Variants in BIN1 observed in about 807,000 individuals in gnomAD.
The protein encoded by BIN1 is bridging integrator 1.
BIN1 carries 53 observed loss-of-function variants against 82.0 expected under a neutral mutation model. That is an observed-to-expected ratio of 0.65 (90% CI 0.52 to 0.81). BIN1 has a LOEUF of 0.81. Ranked by LOEUF, BIN1 falls within the 40% of genes least tolerant of loss-of-function variation. BIN1 has a pLI of 0.00. For missense variants in BIN1, 642 were observed against 784.4 expected (o/e 0.82, Z 2.17); for synonymous variants, 302 against 328.0 (o/e 0.92, Z 0.86).
In BIN1 at chr2:127,048,535, CCT is replaced by C; in HGVS notation, c.1771_1772del (p.Arg591GlyfsTer14). 6.2e-7 allele frequency: 1 copy of C among 1,613,962 alleles called. No individual in the cohort carries two copies. Among genetic ancestry groups the C allele is most frequent in the Non-Finnish European group, 8.5e-7 (1 of 1,180,004 alleles). ...TGCCTGGGCCCCGCCGTCATGGGACCCTCTCAGTGAAGTTCTCGGGGAAGACG... is the reference window on the plus strand; with the variant it reads ...TGCCTGGGCCCCGCCGTCATGGGACCCTCAGTGAAGTTCTCGGGGAAGACG... ...RGVFPENFTE[R>X]VP is the part of the protein sequence containing the mutation. On this transcript the variant is annotated frameshift_variant, in exon 19 of 19. Coordinates refer to ENST00000316724, the MANE Select transcript of BIN1 (RefSeq NM_139343.3). LOFTEE classifies it high-confidence loss of function.
intron 15 of BIN1, among the ~76,000 whole-genome samples, chr2:127,051,958 G>C (rs1286228566): frequency 2.0e-5 from 3 of 152,248 alleles, no homozygotes; most frequent in African/African-American, 7.2e-5. Flanking sequence ...GATTAAATGA[G>C]AAGATTCTGG....
At chr2:127,069,852 C>G in intron 5 of BIN1, 143 bp downstream of exon 5, 1 of 797,324 alleles carries the variant, frequency 1.3e-6, no homozygotes, top group Non-Finnish European at 2.0e-6. Flanking sequence ...GAGGGAGCAA[C>G]CCCGGAGGGG....
In BIN1 at chr2:127,070,792, C is replaced by A; in HGVS notation, c.190G>T (p.Asp64Tyr). 6.2e-7 allele frequency: 1 copy of A among 1,612,930 alleles called. No individual in the cohort carries two copies. The highest frequency in any genetic ancestry group is 8.5e-7 in the Non-Finnish European group (1 of 1,179,982). ...ACGGAGGCCAGGTAGGTCCGGAGAT[C>A]CTTCTGCAGCCGGGTGCCCTCCGTC... ...QLTEGTRLQK[D>Y]LRTYLASVKA... Residue 64 changes from aspartate (D) to tyrosine (Y), a missense_variant, in exon 3 of 19, where the codon GAT (aspartate) becomes TAT (tyrosine). Transcript: ENST00000316724.
rs79410526 is a variant in BIN1, at chr2:127,053,855, T to G, written c.1239+50A>C. ...CCAATAGGCAACATGAGCCCAGGGT[T>G]GGGCACCTGGAAGCTGGTGGGCCCA... On this transcript the variant is annotated intron_variant, in intron 13 of 18. Transcript: ENST00000316724. The G allele has an allele frequency of 5.0e-3, 7,680 of 1,525,026 alleles. 313 individuals are homozygous for G. In the African/African-American group the frequency reaches 0.094, roughly 19 times the overall value. 94.5% of individuals were successfully genotyped at this position (1,525,026 alleles called of 1,614,324 possible). A position where few individuals can be genotyped will look rare whatever the true frequency, so the allele number is the denominator to read the frequency against.
chr2:127,102,282 C>T (rs1390630504), intron 1 of BIN1, among the ~76,000 whole-genome samples: 3 of 152,116 alleles, frequency 2.0e-5, no homozygotes, highest in Non-Finnish European at 4.4e-5. Context: ...CTGGGCTGGA[C>T]GCTGAGTCCA....
chr2:127,060,311 C>A (rs1373287303), intron 10 of BIN1, among the ~76,000 whole-genome samples: 1 of 152,250 alleles, frequency 6.6e-6, no homozygotes, highest in Non-Finnish European at 1.5e-5. Flanking sequence ...TTCCCAGCCA[C>A]GTCCTCCATT....
At chr2:127,074,572 G>A (rs1686350985) in intron 2 of BIN1, among the ~76,000 whole-genome samples, 1 of 152,256 alleles carries the variant, frequency 6.6e-6, no homozygotes, top group African/African-American at 2.4e-5. Flanking sequence ...CAGAGTCAGA[G>A]ACCCAGAGAG....
intron 12 of BIN1, chr2:127,054,306 C>A (rs1354801947): frequency 4.5e-6 from 2 of 448,044 alleles, no homozygotes. Context: ...TAGGTCCGCC[C>A]GTGGCCGCCA....
Position 127,050,431 on chromosome 2 carries a change from G to A in BIN1, c.1664C>T (p.Pro555Leu). 1 of 1,614,154 alleles carries A rather than the reference G, an allele frequency of 6.2e-7. No homozygotes were observed. Among genetic ancestry groups the A allele is most frequent in the South Asian group, 1.1e-5 (1 of 91,080 alleles). The change falls in exon 18 of 19, where the codon CCT (proline) becomes CTT (leucine). Residue 555 changes from proline (P) to leucine (L), a missense_variant. By Grantham distance (98) the Pro-to-Leu change is moderately conservative. Coordinates refer to ENST00000316724, the MANE Select transcript of BIN1 (RefSeq NM_139343.3). ...CCACCCAGCCCTCACCTGCTCTTCA[G>A]GGTTCTGGAAGGGGATCACCAGCAC... is the stretch of plus-strand genomic sequence containing the variant. The part of the protein sequence containing the change: ...DVVLVIPFQN[P>L]EEQDEGWLMG...
At chr2:127,051,329 A>T in intron 15 of BIN1, 86 bp from the exon 16 acceptor site, 1 of 1,410,474 alleles carries the variant, frequency 7.1e-7, no homozygotes, top group Non-Finnish European at 9.9e-7. Flanking sequence ...GGCAGCACCC[A>T]AGCGACAGGG....
chr2:127,063,739 T>A (rs1684800319), intron 8 of BIN1, 93 bp from the exon 9 acceptor site: 2 of 1,461,664 alleles, frequency 1.4e-6, no homozygotes, highest in Admixed American at 3.8e-5. Context: ...CACACGCTCA[T>A]CAGAGGCACA....
intron 1 of BIN1, among the ~76,000 whole-genome samples, chr2:127,098,986 G>T (rs1418291094): frequency 6.6e-6 from 1 of 152,184 alleles, no homozygotes; most frequent in Non-Finnish European, 1.5e-5. Context: ...GCTTTATCAC[G>T]GGGGAGTGTG....
chr2:127,081,727 C>A, intron 1 of BIN1: 1 of 1,190,848 alleles, frequency 8.4e-7, no homozygotes, highest in Non-Finnish European at 1.1e-6. Context: ...TTCCCAACAC[C>A]CCACCCCCAC....
At chr2:127,052,560 G>T in intron 14 of BIN1, 198 bp from the exon 15 acceptor site, 1 of 599,184 alleles carries the variant, frequency 1.7e-6, no homozygotes, top group Non-Finnish European at 3.0e-6. Flanking sequence ...ACAGGCAGGT[G>T]TGACTGTGCT....
chr2:127,057,617 G>T lies in BIN1; in HGVS notation c.1003-16C>A. ...CTTTCCGGAGCTGTGGGTCGGCGGC[G>T]GGTGAGGGGCCGCGCGGGAAGGCAC... On this transcript the variant is annotated splice_polypyrimidine_tract_variant and intron_variant, in intron 11 of 18. Transcript: ENST00000316724. This position sits in a 1 kb window ranked among gnomAD's most constrained non-coding sequence, Gnocchi z 5.0. The T allele has an allele frequency of 6.6e-7, 1 of 1,511,888 alleles. No homozygotes were observed. Among genetic ancestry groups the T allele is most frequent in the Non-Finnish European group, 8.9e-7 (1 of 1,123,478 alleles). 93.7% of individuals were successfully genotyped at this position (1,511,888 alleles called of 1,614,324 possible). A position where few individuals can be genotyped will look rare whatever the true frequency, so the allele number is the denominator to read the frequency against.
chr2:127,053,981 G>A lies in BIN1; in HGVS notation c.1163C>T (p.Ala388Val), dbSNP rs749255155. The A allele has an allele frequency of 2.7e-5, 42 of 1,551,418 alleles. No individual in the cohort carries two copies. In the South Asian group the frequency reaches 4.6e-4, roughly 17 times the overall value. The change falls in exon 13 of 19, where the codon GCC becomes GTC. Residue 388 changes from alanine (A) to valine (V), a missense_variant. Physicochemically the swap from Ala to Val is moderately conservative, Grantham distance 64. Coordinates refer to ENST00000316724, the MANE Select transcript of BIN1 (RefSeq NM_139343.3). ...GTCAAAGTCCAGGTCCAGCAGACTG[G>A]CCTGCTCCGAGAAAGGCCCCGGGGC... ...FEAPGPFSEQ[A>V]SLLDLDFDPL...
chr2:127,052,430 G>A, intron 14 of BIN1, 68 bp from the exon 15 acceptor site: 1 of 1,406,394 alleles, frequency 7.1e-7, no homozygotes, highest in Non-Finnish European at 9.8e-7. Context: ...GCAATGGGCA[G>A]GATCACAAGA....
intron 1 of BIN1, among the ~76,000 whole-genome samples, chr2:127,104,946 A>C (rs1680845390): frequency 6.6e-6 from 1 of 152,180 alleles, no homozygotes; most frequent in Non-Finnish European, 1.5e-5. Flanking sequence ...CTGGAACACT[A>C]AACAACTCCA....
intron 9 of BIN1, 50 bp from the exon 10 acceptor site, chr2:127,062,247 GC>G: frequency 1.3e-6 from 2 of 1,539,092 alleles, no homozygotes. Context: ...CCACCAAACG[GC>G]CCCACCTTCC....
Sources: allele counts gnomAD v4.1 joint callset (sites outside exome capture counted in the v4.1 genomes callset), GRCh38; gene constraint gnomAD v4.1.1; non-coding constraint Gnocchi (gnomAD v3.1); transcripts MANE v1.5; gene names NCBI Gene and HGNC (gene_info 2026-07-23, HGNC 2026-07-21).